The following BNC2 variants were observed in gnomAD, a reference collection of about 807,000 sequenced individuals.
BNC2 encodes the protein basonuclin zinc finger protein 2.
A neutral mutation model predicts 76.3 loss-of-function variants in BNC2; 20 were observed. The ratio of observed to expected loss-of-function variants is 0.26; its 90% confidence interval spans 0.18 to 0.38. The LOEUF is 0.38. Ranked by LOEUF, BNC2 falls within the 10% of genes least tolerant of loss-of-function variation. BNC2 has a pLI of 1.00. For missense variants in BNC2, 1,382 were observed against 1,399.8 expected (o/e 0.99, Z 0.20); for synonymous variants, 582 against 514.8 (o/e 1.13, Z -1.77).
rs1819676887 is a variant in BNC2 at position 16,583,233 on chromosome 9, A to T, written c.331-148T>A. 4 of 681,292 alleles carry T rather than the reference A, an allele frequency of 5.9e-6. No individual in the cohort carries two copies. In the South Asian group the frequency reaches 7.1e-5, roughly 12 times the overall value. 42.2% of individuals were successfully genotyped at this position (681,292 alleles called of 1,614,324 possible). A position where few individuals can be genotyped will look rare whatever the true frequency, so the allele number is the denominator to read the frequency against. ...AGTTTTAAAAATAAATTTAGATATC[A>T]CCAAAATCTCTTATTAAAAAAGGTA... On this transcript the variant is annotated intron_variant, in intron 3 of 6. Transcript: ENST00000380672.
rs1822724430 is a variant in BNC2, at chr9:16,678,440, T to C, written c.330+49357A>G. On this transcript the variant is annotated intron_variant, in intron 3 of 6. Transcript: ENST00000380672. Reference sequence around the variant, plus strand: ...ACGCCACCATGCCCAGCTAATTTTCTGTATTTTTTTATTAGAGACAGGGTT... The same window carrying C: ...ACGCCACCATGCCCAGCTAATTTTCCGTATTTTTTTATTAGAGACAGGGTT... Among the ~76,000 whole-genome samples the C allele has an allele frequency of 3.3e-5, 5 of 151,664 alleles. No individual in the cohort carries two copies. The South Asian group carries it at 1.0e-3, about 32-fold the overall frequency.
intron 5 of BNC2, among the ~76,000 whole-genome samples, chr9:16,448,520 T>A (rs1218489872): frequency 6.6e-6 from 1 of 152,140 alleles, no homozygotes; most frequent in South Asian, 2.1e-4. Flanking sequence ...TATTATACTT[T>A]GAATTACTTT....
chr9:16,610,974 T>C (rs1820529947), intron 3 of BNC2, among the ~76,000 whole-genome samples: 1 of 152,166 alleles, frequency 6.6e-6, no homozygotes, highest in South Asian at 2.1e-4. Context: ...ATTAACTCAG[T>C]GAAAGCTTGC....
intron 3 of BNC2, among the ~76,000 whole-genome samples, chr9:16,597,555 G>A (rs940426890): frequency 7.2e-5 from 11 of 152,064 alleles, no homozygotes; most frequent in Non-Finnish European, 1.3e-4. Context: ...CCCTTTTGAT[G>A]TAGGTTACAA....
chr9:16,436,144 G>T lies in BNC2; in HGVS notation c.2050C>A (p.Pro684Thr). Residue 684 changes from proline (P) to threonine (T), a missense_variant, in exon 6 of 7, where the codon CCA becomes ACA. Physicochemically the swap from Pro to Thr is conservative, Grantham distance 38. Around this residue, in one of 3 missense-constraint regions of BNC2, gnomAD observed 798 missense variants for 775.5 expected, o/e 1.03. Transcript: ENST00000380672. Reference sequence around the variant, plus strand: ...GAAAAGTCCTTCACAGACATGCCTGGGCTCATCTCCTCTTGGGAGTGACAA... The same window carrying T: ...GAAAAGTCCTTCACAGACATGCCTGTGCTCATCTCCTCTTGGGAGTGACAA... The part of the protein sequence containing the change: ...NHCHSQEEMS[P>T]GMSVKDFSKH... 1 of 1,614,094 alleles carries T rather than the reference G, an allele frequency of 6.2e-7. No homozygotes were observed. Among genetic ancestry groups the T allele is most frequent in the African/African-American group, 1.3e-5 (1 of 75,002 alleles).
intron 3 of BNC2, among the ~76,000 whole-genome samples, chr9:16,665,719 G>A (rs1262224858): frequency 2.0e-5 from 3 of 152,076 alleles, no homozygotes; most frequent in Non-Finnish European, 4.4e-5. Flanking sequence ...TATTTCCTCT[G>A]AAACCAAGCC....
intron 6 of BNC2, chr9:16,429,864 G>T: frequency 2.1e-6 from 1 of 470,148 alleles, no homozygotes; most frequent in Non-Finnish European, 4.3e-6. Context: ...GTCAGCAGAG[G>T]CTTAAACGAG....
chr9:16,693,435 C>T (rs1823242607), intron 3 of BNC2, among the ~76,000 whole-genome samples: 1 of 152,110 alleles, frequency 6.6e-6, no homozygotes, highest in Non-Finnish European at 1.5e-5. Context: ...GTGATCATCA[C>T]CTGAGAGCAT....
chr9:16,486,780 C>T (rs898616493), intron 5 of BNC2, among the ~76,000 whole-genome samples: 1 of 151,922 alleles, frequency 6.6e-6, no homozygotes, highest in African/African-American at 2.4e-5. Flanking sequence ...GGATGGAGTG[C>T]AGTGGTGGGA....
chr9:16,638,372 G>C (rs534930674), intron 3 of BNC2, among the ~76,000 whole-genome samples: 1 of 152,244 alleles, frequency 6.6e-6, no homozygotes, highest in South Asian at 2.1e-4. Context: ...AATCAAGGCA[G>C]ATCATTACTG....
intron 5 of BNC2, among the ~76,000 whole-genome samples, chr9:16,480,747 G>C (rs1023460237): frequency 2.0e-5 from 3 of 152,228 alleles, no homozygotes; most frequent in African/African-American, 7.2e-5. Context: ...CCTTCCGGCG[G>C]GGCAGGGCTC....
intron 6 of BNC2, among the ~76,000 whole-genome samples, chr9:16,428,965 C>T (rs1310997356): frequency 6.6e-6 from 1 of 152,162 alleles, no homozygotes; most frequent in Non-Finnish European, 1.5e-5. Context: ...CTTTCTTCCT[C>T]GGTCTTAGCT....
intron 2 of BNC2, among the ~76,000 whole-genome samples, chr9:16,737,787 C>G (rs2135120183): frequency 6.6e-6 from 1 of 152,122 alleles, no homozygotes; most frequent in African/African-American, 2.4e-5. Flanking sequence ...CTTAACAGGT[C>G]CCTTAGAAGA....
At chr9:16,427,745 C>A (rs1187729606) in intron 6 of BNC2, among the ~76,000 whole-genome samples, 1 of 152,134 alleles carries the variant, frequency 6.6e-6, no homozygotes, top group East Asian at 1.9e-4. Flanking sequence ...CCAATTCCAT[C>A]TCTGCTGATG....
chr9:16,519,543 C>T (rs1279784235), intron 5 of BNC2, among the ~76,000 whole-genome samples: 1 of 152,132 alleles, frequency 6.6e-6, no homozygotes, highest in East Asian at 1.9e-4. Context: ...TCAAAGGCAG[C>T]ACACTAGTTA....
chr9:16,624,235 G>A (rs1820934068), intron 3 of BNC2, among the ~76,000 whole-genome samples: 1 of 152,128 alleles, frequency 6.6e-6, no homozygotes, highest in Admixed American at 6.6e-5. Flanking sequence ...ATATTCAACT[G>A]CATGTGGACT....
chr9:16,429,967 A>G (rs751889238), intron 6 of BNC2: 2 of 516,008 alleles, frequency 3.9e-6, no homozygotes, highest in African/African-American at 1.9e-5. Flanking sequence ...TGATACAAGG[A>G]GACCGTTTTG....
At chr9:16,665,234 G>A (rs528146891) in intron 3 of BNC2, 4 of 376,136 alleles carry the variant, frequency 1.1e-5, no homozygotes, top group Non-Finnish European at 2.1e-5. Context: ...GCCAGGCATG[G>A]TGGTGCATGC....
chr9:16,520,547 A>C (rs910190264), intron 5 of BNC2, among the ~76,000 whole-genome samples: 1 of 152,152 alleles, frequency 6.6e-6, no homozygotes, highest in Non-Finnish European at 1.5e-5. Flanking sequence ...GTGTTTAGAC[A>C]ATGATAGCAT....
Sources: allele counts gnomAD v4.1 joint callset (sites outside exome capture counted in the v4.1 genomes callset), GRCh38; gene constraint gnomAD v4.1.1; regional missense constraint gnomAD v4.1.1; transcripts MANE v1.5; gene names NCBI Gene and HGNC (gene_info 2026-07-23, HGNC 2026-07-21).